DST: variants seen among roughly 807,000 people sequenced by gnomAD.
DST encodes the protein bullous pemphigoid antigen.
In DST, 253 loss-of-function variants were observed where a neutral mutation model predicts 875.2. The ratio of observed to expected loss-of-function variants is 0.29; its 90% confidence interval spans 0.26 to 0.32. The LOEUF is 0.32. Ranked by LOEUF, DST falls within the 10% of genes least tolerant of loss-of-function variation. DST has a pLI of 1.00. For synonymous variants in DST, 3,124 were observed against 3,197.1 expected (o/e 0.98, Z 0.77); for missense variants, 8,287 against 9,111.6 (o/e 0.91, Z 3.68).
intron 5 of DST, among the ~76,000 whole-genome samples, chr6:56,705,169 CA>C (rs1268129915): frequency 6.6e-6 from 1 of 152,180 alleles, no homozygotes; most frequent in Non-Finnish European, 1.5e-5. Flanking sequence ...GTTGGACAGA[CA>C]AATGTCAAAG....
intron 4 of DST, among the ~76,000 whole-genome samples, chr6:56,799,768 C>T (rs954134532): frequency 1.1e-4 from 17 of 151,800 alleles, no homozygotes; most frequent in African/African-American, 4.1e-4. Context: ...ATAACAGGCA[C>T]GCACCACCAT....
intron 4 of DST, among the ~76,000 whole-genome samples, chr6:56,845,437 T>C (rs896904593): frequency 6.6e-6 from 1 of 152,302 alleles, no homozygotes; most frequent in South Asian, 2.1e-4. Flanking sequence ...CCTACTTCTG[T>C]TACTCCAAAC....
chr6:56,819,367 A>T (rs997236841), intron 4 of DST, among the ~76,000 whole-genome samples: 1 of 152,188 alleles, frequency 6.6e-6, no homozygotes, highest in Non-Finnish European at 1.5e-5. Context: ...GCATTAAAAT[A>T]TCACTACTTG....
rs201482208 is a variant in DST, at chr6:56,730,962, G to A, written c.687+4266C>T. ...AAATACAAGTTTTAATTAATTAGCC[G>A]ATTTGCTTTAAACAAATGTAATTTT... On this transcript the variant is annotated intron_variant, in intron 5 of 103. Coordinates refer to ENST00000680361, the MANE Select transcript of DST (RefSeq NM_001374736.1). Among the ~76,000 whole-genome samples the A allele has an allele frequency of 2.8e-4, 43 of 152,226 alleles. No individual in the cohort carries two copies. The East Asian group carries it at 8.1e-3, about 29-fold the overall frequency.
At chr6:56,907,522 T>G (rs1400078884) in intron 2 of DST, among the ~76,000 whole-genome samples, 1 of 152,202 alleles carries the variant, frequency 6.6e-6, no homozygotes, top group Admixed American at 6.5e-5. Context: ...GTAATCTGCT[T>G]AAAGGCAAAA....
At chr6:56,507,269 A>G (rs2096347329) in intron 75 of DST, among the ~76,000 whole-genome samples, 1 of 152,250 alleles carries the variant, frequency 6.6e-6, no homozygotes, top group Non-Finnish European at 1.5e-5. Flanking sequence ...AAGATACCAC[A>G]ACAGAAAGGC....
chr6:56,686,109 C>T (rs1012876888), intron 9 of DST, among the ~76,000 whole-genome samples: 6 of 152,194 alleles, frequency 3.9e-5, no homozygotes, highest in African/African-American at 1.2e-4. Context: ...TAGAATACTA[C>T]ACAGCCATAA....
chr6:56,573,601 A>G (rs2097812786), intron 51 of DST, 78 bp downstream of exon 51: 2 of 1,085,506 alleles, frequency 1.8e-6, no homozygotes, highest in African/African-American at 3.1e-5. Context: ...AGTTTATCTT[A>G]AATCTAACTA....
intron 4 of DST, among the ~76,000 whole-genome samples, chr6:56,821,903 G>C (rs2099773434): frequency 6.6e-6 from 1 of 152,000 alleles, no homozygotes; most frequent in African/African-American, 2.4e-5. Context: ...CCATCACCAA[G>C]CTCAGTCCAG....
chr6:56,534,003 CATTG>C (rs1270751981), intron 63 of DST, among the ~76,000 whole-genome samples: 1 of 151,784 alleles, frequency 6.6e-6, no homozygotes, highest in African/African-American at 2.4e-5. Context: ...TGTATGTATA[CATTG>C]TGGAATGATT....
intron 61 of DST, 82 bp downstream of exon 61, chr6:56,552,102 C>A (rs1043392590): frequency 9.1e-6 from 13 of 1,433,766 alleles, no homozygotes; most frequent in African/African-American, 5.7e-5. Flanking sequence ...AAAAGTTCTA[C>A]AAAATAGGCA....
chr6:56,585,844 C>T (rs372543611), intron 49 of DST, among the ~76,000 whole-genome samples: 14 of 152,218 alleles, frequency 9.2e-5, no homozygotes, highest in South Asian at 6.2e-4. Flanking sequence ...GCCTTCATTT[C>T]GTTAGGTACC....
At position 56,482,862 on chromosome 6, in the gene DST, A is replaced by T. The variant is rs1447552140; in HGVS notation, c.21223T>A (p.Leu7075Met). 2 of 1,550,480 alleles carry T rather than the reference A, an allele frequency of 1.3e-6. No homozygotes were observed. Among genetic ancestry groups the T allele is most frequent in the South Asian group, 1.2e-5 (1 of 80,760 alleles). The change falls in exon 89 of 104, where the codon TTG becomes ATG. Residue 7075 changes from leucine (L) to methionine (M), a missense_variant. This residue lies in a region of DST where 1,292 missense variants were observed against 1,552.7 expected (regional missense o/e 0.83). Coordinates refer to ENST00000680361, the MANE Select transcript of DST (RefSeq NM_001374736.1). The part of the protein sequence containing the change: ...IDNHKAFQKE[L>M]GKRTSSVQAL... ...TGCACACTGCTGGTCCTCTTCCCCAACTCTTTTTGGAAGGCCTAAGAAGAC... is the reference window on the plus strand; with the variant it reads ...TGCACACTGCTGGTCCTCTTCCCCATCTCTTTTTGGAAGGCCTAAGAAGAC...
intron 6 of DST, among the ~76,000 whole-genome samples, chr6:56,704,074 A>T (rs2099322829): frequency 6.6e-6 from 1 of 152,296 alleles, no homozygotes; most frequent in Admixed American, 6.5e-5. Flanking sequence ...TAAGTGAAGT[A>T]ATCAAAGTGC....
intron 49 of DST, among the ~76,000 whole-genome samples, chr6:56,582,598 TTTC>T (rs1228461392): frequency 6.6e-6 from 1 of 150,816 alleles, no homozygotes; most frequent in Admixed American, 6.6e-5. Flanking sequence ...AAGTATTTCT[TTTC>T]TTTTTTTTTT....
chr6:56,928,582 C>T (rs977576569), intron 2 of DST, among the ~76,000 whole-genome samples: 6 of 151,840 alleles, frequency 4.0e-5, no homozygotes, highest in Admixed American at 3.3e-4. Context: ...ATGTCCTAGC[C>T]GATACAATTA....
intron 68 of DST, 39 bp downstream of exon 68, chr6:56,527,454 G>A (rs1208405058): frequency 3.8e-6 from 6 of 1,598,004 alleles, no homozygotes; most frequent in Non-Finnish European, 5.1e-6. Flanking sequence ...CTGCCTAAAA[G>A]ATAAAAGACT....
intron 9 of DST, among the ~76,000 whole-genome samples, chr6:56,688,987 G>A (rs1360979410): frequency 6.6e-6 from 1 of 152,084 alleles, no homozygotes; most frequent in Non-Finnish European, 1.5e-5. Flanking sequence ...GAAAAGGAGG[G>A]TAAATTGCCT....
intron 4 of DST, among the ~76,000 whole-genome samples, chr6:56,781,158 T>G (rs1217090976): frequency 6.6e-6 from 1 of 152,214 alleles, no homozygotes; most frequent in Non-Finnish European, 1.5e-5. Flanking sequence ...TCAGGTAGCG[T>G]GATGCCTCCA....
Sources: gnomAD v4.1 joint callset for allele counts (sites outside exome capture counted in the v4.1 genomes callset) on GRCh38, gnomAD v4.1.1 for gene constraint, gnomAD v4.1.1 regional missense constraint, MANE v1.5 for transcripts, NCBI Gene and HGNC (gene_info 2026-07-23, HGNC 2026-07-21) for gene names.